RANBP2: variants seen among roughly 807,000 people sequenced by gnomAD.
The protein encoded by RANBP2 is RAN binding protein 2.
RANBP2 carries 57 observed loss-of-function variants against 303.6 expected under a neutral mutation model. The ratio of observed to expected loss-of-function variants is 0.19; its 90% confidence interval spans 0.15 to 0.23. The LOEUF is 0.23. Ranked by LOEUF, RANBP2 falls within the 10% of genes least tolerant of loss-of-function variation. RANBP2 has a pLI of 1.00. For synonymous variants in RANBP2, 1,167 were observed against 1,301.5 expected, an observed-to-expected ratio of 0.90 and a Z score of 2.23; for missense variants, 3,138 against 3,780.8, an observed-to-expected ratio of 0.83 and a Z score of 4.46.
the RANBP2 span, among the ~76,000 whole-genome samples, chr2:109,033,904 C>T: frequency 6.8e-6 from 1 of 146,106 alleles, no homozygotes; most frequent in South Asian, 2.2e-4. Context: ...TGCAGTGAGC[C>T]GAGATTGCAC....
the RANBP2 span, among the ~76,000 whole-genome samples, chr2:109,595,190 A>G: frequency 6.6e-6 from 1 of 152,190 alleles, no homozygotes; most frequent in African/African-American, 2.4e-5. Context: ...CCCAGCCAAC[A>G]GTGTTTTCAA....
Position 108,784,075 on chromosome 2 carries a change from GGT to G in RANBP2, c.*178_*179del. On this transcript the variant is annotated 3_prime_UTR_variant, in exon 29 of 29. Coordinates refer to ENST00000283195, the MANE Select transcript of RANBP2 (RefSeq NM_006267.5). ...TAATGTGTTATAATTGACCTTGCAT[GGT>G]GTGAAATAAAAGTTTAAACACTGGT... is the stretch of plus-strand genomic sequence containing the variant. The G allele has an allele frequency of 1.6e-6, 1 of 633,030 alleles. No homozygotes were observed. The highest frequency in any genetic ancestry group is 2.7e-6 in the Non-Finnish European group (1 of 374,494). The allele number at this position is 633,030 out of a possible 1,614,324, so 39.2% of individuals were successfully genotyped here.
chr2:109,633,531 C>G, the RANBP2 span, among the ~76,000 whole-genome samples: 3 of 152,140 alleles, frequency 2.0e-5, no homozygotes, highest in African/African-American at 4.8e-5. Flanking sequence ...CTACCACCCT[C>G]AAGCCTGAGG....
At chr2:108,820,837 A>G in the RANBP2 span, among the ~76,000 whole-genome samples, 1 of 152,172 alleles carries the variant, frequency 6.6e-6, no homozygotes, top group Non-Finnish European at 1.5e-5. Flanking sequence ...AAAATTACTA[A>G]AGAGAGTCCT....
the RANBP2 span, chr2:109,128,152 C>G: frequency 6.6e-6 from 1 of 152,274 alleles, no homozygotes; most frequent in South Asian, 2.1e-4. Flanking sequence ...AAAGCGGCCA[C>G]GAGGGGGCAG....
the RANBP2 span, among the ~76,000 whole-genome samples, chr2:108,816,788 C>A: frequency 6.6e-6 from 1 of 152,168 alleles, no homozygotes; most frequent in Non-Finnish European, 1.5e-5. Flanking sequence ...CTCCAAACTC[C>A]TAGCCTCAAG....
At chr2:109,436,985 G>A in the RANBP2 span, 62 of 1,613,762 alleles carry the variant, frequency 3.8e-5, no homozygotes, top group Non-Finnish European at 4.5e-5. Flanking sequence ...CACCCAGGCA[G>A]TGGGAGTCTG....
the RANBP2 span, among the ~76,000 whole-genome samples, chr2:109,241,597 C>T: frequency 6.6e-6 from 1 of 152,086 alleles, no homozygotes; most frequent in African/African-American, 2.4e-5. Context: ...TGAGGTTTGG[C>T]TTGGTTCGGT....
chr2:109,555,839 C>T, the RANBP2 span, among the ~76,000 whole-genome samples: 2 of 152,164 alleles, frequency 1.3e-5, no homozygotes, highest in Non-Finnish European at 2.9e-5. Flanking sequence ...CTGGCCCCTT[C>T]CTTTAAAACA....
chr2:109,436,800 G>A, the RANBP2 span: 55 of 1,490,968 alleles, frequency 3.7e-5, no homozygotes, highest in African/African-American at 5.3e-4. Context: ...ATCTCTTAAA[G>A]CCAGCAGGTC....
the RANBP2 span, among the ~76,000 whole-genome samples, chr2:109,600,776 A>G: frequency 1.1e-4 from 16 of 152,196 alleles, no homozygotes; most frequent in Admixed American, 2.6e-4. Context: ...ACCTCTGCTC[A>G]TCGCCAGCCC....
chr2:109,030,450 A>C, the RANBP2 span, among the ~76,000 whole-genome samples: 2 of 152,214 alleles, frequency 1.3e-5, no homozygotes, highest in African/African-American at 4.8e-5. Context: ...AAATGTGATA[A>C]TGTGTATAGT....
At chr2:109,333,082 C>A in the RANBP2 span, among the ~76,000 whole-genome samples, 3 of 152,228 alleles carry the variant, frequency 2.0e-5, no homozygotes, top group Non-Finnish European at 2.9e-5. Context: ...CCCTGCAGCT[C>A]CAGTGCTGCC....
the RANBP2 span, among the ~76,000 whole-genome samples, chr2:108,859,499 C>CT: frequency 1.3e-5 from 2 of 152,036 alleles, no homozygotes; most frequent in Admixed American, 1.3e-4. Context: ...AGAGTATTTC[C>CT]TAGATTTTCT....
chr2:109,610,095 G>GTTTTTTTTTTTTTTTTTTTTTTTTTTTTT, the RANBP2 span, among the ~76,000 whole-genome samples: 2 of 143,444 alleles, frequency 1.4e-5, no homozygotes, highest in African/African-American at 5.2e-5. Context: ...TCCCTGAGGT[G>GTTTTTTTTTTTTTTTTTTTTTTTTTTTTT]TTTTTTTTTT....
the RANBP2 span, among the ~76,000 whole-genome samples, chr2:109,322,024 T>A: frequency 6.3e-3 from 954 of 152,254 alleles, 13 homozygotes; most frequent in African/African-American, 0.022. Context: ...GATGGCTCTT[T>A]TTAAAATAAG....
chr2:109,647,384 G>A, the RANBP2 span, among the ~76,000 whole-genome samples: 32 of 151,754 alleles, frequency 2.1e-4, no homozygotes, highest in Admixed American at 3.9e-4. Context: ...AGATGGTCTC[G>A]ATATCTTAAC....
At chr2:109,079,586 G>C in the RANBP2 span, among the ~76,000 whole-genome samples, 1 of 152,170 alleles carries the variant, frequency 6.6e-6, no homozygotes, top group South Asian at 2.1e-4. Context: ...TCTGGCCCAG[G>C]GTGAGCCATC....
the RANBP2 span, among the ~76,000 whole-genome samples, chr2:108,820,878 A>C: frequency 6.6e-6 from 1 of 152,220 alleles, no homozygotes; most frequent in Non-Finnish European, 1.5e-5. Context: ...ACTACACAGC[A>C]ACATGAAGCC....
Sources: gnomAD v4.1 joint callset for allele counts (sites outside exome capture counted in the v4.1 genomes callset) on GRCh38, gnomAD v4.1.1 for gene constraint, MANE v1.5 for transcripts, NCBI Gene and HGNC (gene_info 2026-07-23, HGNC 2026-07-21) for gene names.